The following DYM variants were observed in gnomAD, a reference collection of about 807,000 sequenced individuals.
DYM encodes dymeclin.
A neutral mutation model predicts 93.1 loss-of-function variants in DYM; 78 were observed. The ratio of observed to expected loss-of-function variants is 0.84; its 90% confidence interval spans 0.70 to 1.01. The LOEUF (loss-of-function observed/expected upper bound fraction) is 1.01, where lower values mean the gene tolerates loss of function less well. Among genes scored for constraint, DYM ranks in the 50% least tolerant of loss-of-function variants. The pLI, the probability that DYM is intolerant of heterozygous loss-of-function variation, is 0.00. For missense variants in DYM, 789 were observed against 845.0 expected, an observed-to-expected ratio of 0.93 and a Z score of 0.82; for synonymous variants, 321 against 319.7, an observed-to-expected ratio of 1.00 and a Z score of -0.04.
intron 17 of DYM, among the ~76,000 whole-genome samples, chr18:49,089,365 C>T (rs886752671): frequency 3.3e-5 from 5 of 152,320 alleles, no homozygotes; most frequent in African/African-American, 1.2e-4. Flanking sequence ...AATTTTACTA[C>T]TCTGTCTCAT....
chr18:49,260,968 T>C (rs1374726676), intron 11 of DYM, among the ~76,000 whole-genome samples: 1 of 151,276 alleles, frequency 6.6e-6, no homozygotes, highest in Non-Finnish European at 1.5e-5. Flanking sequence ...GAATATGGAA[T>C]ACAAACAACA....
chr18:49,129,062 C>T (rs1481939228), intron 15 of DYM, among the ~76,000 whole-genome samples: 1 of 149,772 alleles, frequency 6.7e-6, no homozygotes, highest in Non-Finnish European at 1.5e-5. Context: ...GAAGAAGAGT[C>T]AGTGATGCCA....
chr18:49,363,094 A>G, intron 6 of DYM, 67 bp downstream of exon 6: 1 of 1,323,014 alleles, frequency 7.6e-7, no homozygotes, highest in East Asian at 2.3e-5. Flanking sequence ...AAACTTCTCA[A>G]CATGATCAAT....
At chr18:49,125,011 G>C (rs191144401) in intron 15 of DYM, among the ~76,000 whole-genome samples, 1 of 152,224 alleles carries the variant, frequency 6.6e-6, no homozygotes, top group Non-Finnish European at 1.5e-5. Context: ...TGTAATCCCA[G>C]CACTTTGGGA....
At chr18:49,265,460 G>T (rs1000715803) in intron 11 of DYM, among the ~76,000 whole-genome samples, 6 of 152,200 alleles carry the variant, frequency 3.9e-5, no homozygotes, top group African/African-American at 1.4e-4. Flanking sequence ...ATATGAGAAG[G>T]TGAATAAAAT....
rs76801250 is a variant in DYM at position 49,285,683 on chromosome 18, T to C, written c.946+751A>G. 2.8e-4 allele frequency among the ~76,000 whole-genome samples: 43 copies of C among 152,318 alleles called. No individual in the cohort carries two copies. In the East Asian group the frequency reaches 7.3e-3, roughly 26 times the overall value. The stretch of plus-strand genomic sequence containing the variant: ...AGGTTTGTCTAAGTACACTATGATA[T>C]TCACACAGCGACAAAATTGCCTAAT... On this transcript the variant is annotated intron_variant, in intron 9 of 17. Coordinates refer to ENST00000675505, the MANE Select transcript of DYM (RefSeq NM_001353214.3).
chr18:49,413,856 C>A (rs1441704672), intron 2 of DYM, among the ~76,000 whole-genome samples: 1 of 151,994 alleles, frequency 6.6e-6, no homozygotes, highest in East Asian at 1.9e-4. Context: ...CTAAAAAATA[C>A]AAAAATTAGC....
At chr18:49,294,680 T>C (rs1451410542) in intron 8 of DYM, among the ~76,000 whole-genome samples, 7 of 152,078 alleles carry the variant, frequency 4.6e-5, no homozygotes, top group South Asian at 4.1e-4. Context: ...TTGAATGAAA[T>C]AGAGGTAAGT....
chr18:49,133,328 T>G (rs942772371), intron 15 of DYM, among the ~76,000 whole-genome samples: 4 of 152,170 alleles, frequency 2.6e-5, no homozygotes, highest in Non-Finnish European at 5.9e-5. Flanking sequence ...ACAAAAAATT[T>G]TCAAAATTTT....
chr18:49,405,012 CAAAAAAA>C (rs199975015), intron 2 of DYM, among the ~76,000 whole-genome samples: 2 of 102,192 alleles, frequency 2.0e-5, no homozygotes, highest in African/African-American at 8.4e-5. Flanking sequence ...GACTCCATCT[CAAAAAAA>C]AAAAAAAAAA....
At chr18:49,257,200 T>A in intron 12 of DYM, 96 bp from the exon 13 acceptor site, 1 of 933,254 alleles carries the variant, frequency 1.1e-6, no homozygotes, top group Non-Finnish European at 1.7e-6. Flanking sequence ...AACTCAGTTG[T>A]CACTGATTTT....
intron 1 of DYM, among the ~76,000 whole-genome samples, chr18:49,456,292 A>C (rs190758086): frequency 1.9e-4 from 29 of 152,360 alleles, no homozygotes; most frequent in Non-Finnish European, 4.1e-4. Flanking sequence ...CAAAAGAAAC[A>C]AACTAGTCAT....
chr18:49,260,755 A>G (rs1164882923), intron 11 of DYM, among the ~76,000 whole-genome samples: 1 of 151,948 alleles, frequency 6.6e-6, no homozygotes, highest in Non-Finnish European at 1.5e-5. Context: ...AAGATTTTTG[A>G]GGGAAGGCAT....
At position 49,037,100 on chromosome 18, in the gene DYM, T is replaced by C. The variant is rs1027934008; in HGVS notation, c.*6955A>G. On this transcript the variant is annotated 3_prime_UTR_variant, in exon 18 of 18. Coordinates refer to ENST00000675505, the MANE Select transcript of DYM (RefSeq NM_001353214.3). Reference sequence around the variant, plus strand: ...TATTTTTAGTAGAGACGGGGTTTCATCATGTTGGCCAGGCTGGTCTTGAAC... The same window carrying C: ...TATTTTTAGTAGAGACGGGGTTTCACCATGTTGGCCAGGCTGGTCTTGAAC... 8.6e-5 allele frequency among the ~76,000 whole-genome samples: 13 copies of C among 152,022 alleles called. No homozygotes were observed. The highest frequency in any genetic ancestry group is 1.9e-4 in the Non-Finnish European group (13 of 67,954).
At position 49,298,569 on chromosome 18, in the gene DYM, G is replaced by A. The variant is rs376354940; in HGVS notation, c.764-11953C>T. On this transcript the variant is annotated intron_variant, in intron 8 of 17. Coordinates refer to ENST00000675505, the MANE Select transcript of DYM (RefSeq NM_001353214.3). ...GCACTCCAGCCTGGGTGACAAGAGC[G>A]AAACTCCGTCTCAAAAAAAAAAAAA... Among the ~76,000 whole-genome samples, 359 of 124,326 alleles carry A rather than the reference G, an allele frequency of 2.9e-3. 1 individual carries two copies. The highest frequency in any genetic ancestry group is 0.013 in the Middle Eastern group (3 of 226). The allele number at this position is 124,326 out of a possible 152,430, so 81.6% of individuals were successfully genotyped here.
intron 17 of DYM, among the ~76,000 whole-genome samples, chr18:49,053,466 GA>G (rs931005994): frequency 1.5e-4 from 22 of 150,076 alleles, no homozygotes; most frequent in East Asian, 3.9e-4. Flanking sequence ...ATAGCAGATT[GA>G]AAAAAAAAAT....
At chr18:49,152,410 C>T (rs889479259) in intron 15 of DYM, among the ~76,000 whole-genome samples, 1 of 152,158 alleles carries the variant, frequency 6.6e-6, no homozygotes, top group Admixed American at 6.5e-5. Context: ...CAAGTTAGAA[C>T]ACAAGCACGA....
chr18:49,363,803 G>T (rs1387139911), intron 5 of DYM, among the ~76,000 whole-genome samples: 1 of 152,154 alleles, frequency 6.6e-6, no homozygotes, highest in African/African-American at 2.4e-5. Context: ...CCAAGTCACA[G>T]AATAAATAAG....
intron 17 of DYM, among the ~76,000 whole-genome samples, chr18:49,068,846 T>A (rs1224332868): frequency 6.6e-6 from 1 of 152,360 alleles, no homozygotes; most frequent in Admixed American, 6.5e-5. Flanking sequence ...GTGTCACTTA[T>A]GGGATTCGGA....
Sources: allele counts gnomAD v4.1 joint callset (sites outside exome capture counted in the v4.1 genomes callset), GRCh38; gene constraint gnomAD v4.1.1; transcripts MANE v1.5; gene names NCBI Gene and HGNC (gene_info 2026-07-23, HGNC 2026-07-21).